The following ELP3 variants were observed in gnomAD, a reference collection of about 807,000 sequenced individuals.
The protein encoded by ELP3 is elongator complex protein 3.
Under a neutral mutation model 74.9 loss-of-function variants are expected in ELP3, and 56 were observed. The ratio of observed to expected loss-of-function variants is 0.75; its 90% CI spans 0.60 to 0.93. The LOEUF (loss-of-function observed/expected upper bound fraction) is 0.93. Among genes scored for constraint, ELP3 ranks in the 40% least tolerant of loss-of-function variants. The pLI, the probability that ELP3 is intolerant of heterozygous loss-of-function variation, is 0.00. For missense variants in ELP3, 573 were observed against 686.5 expected, an observed-to-expected ratio of 0.83 and a Z score of 1.85; for synonymous variants, 222 against 239.8, an observed-to-expected ratio of 0.93 and a Z score of 0.68.
intron 7 of ELP3, among the ~76,000 whole-genome samples, chr8:28,127,603 C>T (rs1812629482): frequency 6.6e-6 from 1 of 151,954 alleles, no homozygotes; most frequent in Admixed American, 6.6e-5. Context: ...AGGTGTGTTA[C>T]GTCTCTCCTG....
Position 28,106,472 on chromosome 8 carries a change from G to A in ELP3, c.259-241G>A, listed in dbSNP as rs369678956. On this transcript the variant is annotated intron_variant, in intron 3 of 14. Transcript: ENST00000256398. ...GGAGAATGGCGTGAACCCGGGAGGC[G>A]GAGCTTGCAGTGAGCCGAGATCCCG... Among the ~76,000 whole-genome samples the A allele has an allele frequency of 8.9e-3, 1,334 of 149,740 alleles. 23 individuals carry two copies. The highest frequency in any genetic ancestry group is 0.03 in the African/African-American group (1,235 of 40,822).
At chr8:28,163,664 G>A (rs190317898) in intron 14 of ELP3, among the ~76,000 whole-genome samples, 1 of 151,882 alleles carries the variant, frequency 6.6e-6, no homozygotes, top group Non-Finnish European at 1.5e-5. Context: ...CTTCTCAACT[G>A]TTTAACCTGT....
chr8:28,120,852 G>A (rs1231855181), intron 7 of ELP3, among the ~76,000 whole-genome samples: 1 of 152,190 alleles, frequency 6.6e-6, no homozygotes, highest in Non-Finnish European at 1.5e-5. Flanking sequence ...GAAGGACTCA[G>A]TAAATGTGGG....
intron 14 of ELP3, among the ~76,000 whole-genome samples, chr8:28,185,015 A>G (rs1257534329): frequency 6.6e-6 from 1 of 151,974 alleles, no homozygotes; most frequent in Non-Finnish European, 1.5e-5. Context: ...TGTCCCTGCT[A>G]AAGCTGAGTG....
At chr8:28,175,907 C>T (rs545738762) in intron 14 of ELP3, among the ~76,000 whole-genome samples, 306 of 151,328 alleles carry the variant, frequency 2.0e-3, no homozygotes, top group Non-Finnish European at 3.1e-3. Context: ...CTCCGCCTCG[C>T]GGTTTCAAGC....
intron 14 of ELP3, among the ~76,000 whole-genome samples, chr8:28,165,379 A>C (rs957466016): frequency 1.3e-5 from 2 of 152,214 alleles, no homozygotes; most frequent in East Asian, 3.8e-4. Flanking sequence ...ATAGTTTCCC[A>C]TAGGTAGTTA....
intron 14 of ELP3, among the ~76,000 whole-genome samples, chr8:28,184,968 CA>C (rs200792598): frequency 0.018 from 2,308 of 128,646 alleles, 44 homozygotes; most frequent in African/African-American, 0.051. Context: ...AACTCCATCT[CA>C]AAAAAAAAAA....
intron 3 of ELP3, among the ~76,000 whole-genome samples, chr8:28,101,403 A>G (rs915602066): frequency 1.4e-4 from 22 of 152,212 alleles, no homozygotes; most frequent in Admixed American, 6.5e-5. Flanking sequence ...CTGGGCGAAA[A>G]AGCGAGACTC....
At chr8:28,132,206 C>G in intron 8 of ELP3, 72 bp from the exon 9 acceptor site, 1 of 1,520,400 alleles carries the variant, frequency 6.6e-7, no homozygotes, top group East Asian at 2.3e-5. Flanking sequence ...AACTTTGTCA[C>G]CCATTTATTT....
Position 28,189,743 on chromosome 8 carries a change from T to A in ELP3, c.*18T>A. 6.2e-7 allele frequency: 1 copy of A among 1,609,652 alleles called. No individual in the cohort carries two copies. The highest frequency in any genetic ancestry group is 1.7e-4 in the Middle Eastern group (1 of 6,050). ...TGAAATAATGGCCACACCAGTCCACTCTTCTGCAGTATCCTCCCTGGCAGA... is the reference window on the plus strand; with the variant it reads ...TGAAATAATGGCCACACCAGTCCACACTTCTGCAGTATCCTCCCTGGCAGA... On this transcript the variant is annotated 3_prime_UTR_variant, in exon 15 of 15. Coordinates refer to ENST00000256398, the MANE Select transcript of ELP3 (RefSeq NM_018091.6).
chr8:28,121,095 T>C (rs1429198172), intron 7 of ELP3, among the ~76,000 whole-genome samples: 1 of 152,194 alleles, frequency 6.6e-6, no homozygotes. Flanking sequence ...TAGAATTGTG[T>C]TAAAACTATA....
Position 28,147,661 on chromosome 8 carries a change from G to T in ELP3, c.1101-8281G>T, listed in dbSNP as rs529564606. Among the ~76,000 whole-genome samples, 1 of 152,254 alleles carries T rather than the reference G, an allele frequency of 6.6e-6. No homozygotes were observed. Among genetic ancestry groups the T allele is most frequent in the East Asian group, 1.9e-4 (1 of 5,188 alleles). On this transcript the variant is annotated intron_variant, in intron 10 of 14. Transcript: ENST00000256398. This position sits in a 1 kb window ranked among gnomAD's most constrained non-coding sequence, Gnocchi z 4.5. ...TCTGTGTGTGTATGTGTGTATGCAT[G>T]CATATATTTCTTAGTAGTATGTACT...
upstream of ELP3, chr8:28,092,768 G>A (rs1811089710): frequency 3.7e-6 from 1 of 272,312 alleles, no homozygotes; most frequent in African/African-American, 2.3e-5. Flanking sequence ...CCTCCTCCGT[G>A]GTCTCGCCCA....
At chr8:28,136,007 G>C (rs1812975646) in intron 9 of ELP3, among the ~76,000 whole-genome samples, 1 of 150,472 alleles carries the variant, frequency 6.6e-6, no homozygotes, top group Non-Finnish European at 1.5e-5. Context: ...TGTCACCCAG[G>C]CTGGAGTGCA....
chr8:28,176,539 C>T (rs1327300466), intron 14 of ELP3, among the ~76,000 whole-genome samples: 3 of 152,206 alleles, frequency 2.0e-5, no homozygotes, highest in African/African-American at 7.2e-5. Context: ...TGAAGTTTTA[C>T]AGCCTCTCCC....
chr8:28,093,722 T>C (rs1811139642), intron 1 of ELP3: 1 of 163,346 alleles, frequency 6.1e-6, no homozygotes, highest in Non-Finnish European at 1.4e-5. Flanking sequence ...CCACCTTTGG[T>C]TTTTCAACAG....
rs545910650 is a variant in ELP3, at chr8:28,124,903, G to A, written c.618-4599G>A. On this transcript the variant is annotated intron_variant, in intron 7 of 14. Coordinates refer to ENST00000256398, the MANE Select transcript of ELP3 (RefSeq NM_018091.6). ...TTGTGTTGGGCGTGGTTAATTTATAGAACCTCATGATATAACCACCAATAT... is the reference window on the plus strand; with the variant it reads ...TTGTGTTGGGCGTGGTTAATTTATAAAACCTCATGATATAACCACCAATAT... 1.1e-3 allele frequency among the ~76,000 whole-genome samples: 173 copies of A among 152,232 alleles called. 1 individual carries two copies. The highest frequency in any genetic ancestry group is 8.9e-3 in the South Asian group (43 of 4,824).
Position 28,102,150 on chromosome 8 carries a change from G to A in ELP3, c.258+2184G>A, listed in dbSNP as rs115077866. Among the ~76,000 whole-genome samples the A allele has an allele frequency of 1.9e-3, 291 of 152,190 alleles. 1 individual carries two copies. The highest frequency in any genetic ancestry group is 6.3e-3 in the African/African-American group (260 of 41,534). The stretch of plus-strand genomic sequence containing the variant: ...TAACCTCATCCATTTGATGATTTTA[G>A]TATTGATGTATGCTGACTCCCAGCA... On this transcript the variant is annotated intron_variant, in intron 3 of 14. Transcript: ENST00000256398.
chr8:28,111,460 G>A (rs913806070), intron 6 of ELP3, among the ~76,000 whole-genome samples: 1 of 152,152 alleles, frequency 6.6e-6, no homozygotes, highest in African/African-American at 2.4e-5. Flanking sequence ...GTAGATAATG[G>A]TACATAACCA....
Sources: gnomAD v4.1 joint callset for allele counts (sites outside exome capture counted in the v4.1 genomes callset) on GRCh38, gnomAD v4.1.1 for gene constraint, Gnocchi (gnomAD v3.1) non-coding constraint, MANE v1.5 for transcripts, NCBI Gene and HGNC (gene_info 2026-07-23, HGNC 2026-07-21) for gene names.